The following ST8SIA5 variants were observed in gnomAD, a reference collection of about 807,000 sequenced individuals.
ST8SIA5 encodes ST8 alpha-N-acetyl-neuraminide alpha-2,8-sialyltransferase 5.
ST8SIA5 carries 24 observed loss-of-function variants against 40.2 expected under a neutral mutation model. The observed-to-expected ratio is 0.60, with a 90% CI of 0.43 to 0.84. The LOEUF (loss-of-function observed/expected upper bound fraction) is 0.84, where lower values mean the gene tolerates loss of function less well. ST8SIA5 is among the 40% of genes least tolerant of loss of function. The pLI is 0.00. For missense variants in ST8SIA5, 465 were observed against 498.5 expected, an observed-to-expected ratio of 0.93 and a Z score of 0.64; for synonymous variants, 198 against 201.8, an observed-to-expected ratio of 0.98 and a Z score of 0.16.
chr18:46,754,128 G>A (rs2040219904), intron 1 of ST8SIA5, among the ~76,000 whole-genome samples: 2 of 152,192 alleles, frequency 1.3e-5, no homozygotes, highest in Admixed American at 1.3e-4. Flanking sequence ...TGCTAGGGGT[G>A]ACACTGATGT....
intron 1 of ST8SIA5, among the ~76,000 whole-genome samples, chr18:46,715,621 T>C (rs2039780685): frequency 6.6e-6 from 1 of 151,870 alleles, no homozygotes; most frequent in African/African-American, 2.4e-5. Context: ...TACAGTGGCA[T>C]GCTCTCAGCT....
intron 6 of ST8SIA5, 105 bp downstream of exon 6, chr18:46,681,867 C>T (rs2039399500): frequency 1.7e-6 from 2 of 1,179,896 alleles, no homozygotes; most frequent in South Asian, 1.3e-5. Flanking sequence ...TTTACACTCA[C>T]AGCCAGCACA....
chr18:46,680,611 G>T, intron 6 of ST8SIA5, 101 bp from the exon 7 acceptor site: 1 of 1,225,598 alleles, frequency 8.2e-7, no homozygotes, highest in South Asian at 1.6e-5. Flanking sequence ...AGGACGGAAG[G>T]GACTCATAAG....
At chr18:46,729,389 G>A (rs2039964050) in intron 1 of ST8SIA5, among the ~76,000 whole-genome samples, 1 of 10,468 alleles carries the variant, frequency 9.6e-5, no homozygotes, top group South Asian at 4.2e-3. Context: ...AGGGGTGGGT[G>A]CCTTGAACTC....
At chr18:46,709,606 A>G (rs1242866762) in intron 1 of ST8SIA5, among the ~76,000 whole-genome samples, 1 of 152,204 alleles carries the variant, frequency 6.6e-6, no homozygotes, top group African/African-American at 2.4e-5. Context: ...CAGACATCAA[A>G]AATGTTGCTT....
In ST8SIA5 at chr18:46,686,262, A is replaced by T; in HGVS notation, c.481T>A (p.Phe161Ile). ...TTGCCCACTACAGCACACTTCTTAA[A>T]CTGGGACCGGTAGTAGGGCATGTCC... Reference protein sequence around the residue: ...PKDMPYYRSQFKKCAVVGNGG... With the variant: ...PKDMPYYRSQIKKCAVVGNGG... Residue 161 changes from phenylalanine (F) to isoleucine (I), a missense_variant, in exon 5 of 7, where the codon TTT (phenylalanine) becomes ATT (isoleucine). Phe to Ile is a conservative substitution (Grantham distance 21, BLOSUM62 0). Coordinates refer to ENST00000315087, the MANE Select transcript of ST8SIA5 (RefSeq NM_013305.6). 1 of 1,614,116 alleles carries T rather than the reference A, an allele frequency of 6.2e-7. No homozygotes were observed. Among genetic ancestry groups the T allele is most frequent in the Non-Finnish European group, 8.5e-7 (1 of 1,180,008 alleles).
chr18:46,746,279 C>T (rs2040139500), intron 1 of ST8SIA5, among the ~76,000 whole-genome samples: 1 of 152,190 alleles, frequency 6.6e-6, no homozygotes, highest in African/African-American at 2.4e-5. Flanking sequence ...ATCAAATTGT[C>T]CCGGTTTGCA....
intron 1 of ST8SIA5, among the ~76,000 whole-genome samples, chr18:46,726,874 C>T (rs9949638): frequency 0.039 from 5,894 of 152,224 alleles, 353 homozygotes; most frequent in African/African-American, 0.13. Flanking sequence ...GTCAAGATCA[C>T]ACCACTGCAC....
chr18:46,668,948 C>G lies in ST8SIA5; in HGVS notation c.*11094G>C, dbSNP rs73433008. The G allele has an allele frequency of 1.3e-5, 2 of 152,416 alleles. No homozygotes were observed. Among genetic ancestry groups the G allele is most frequent in the African/African-American group, 4.8e-5 (2 of 41,466 alleles). 9.4% of individuals were successfully genotyped at this position (152,416 alleles called of 1,614,324 possible). ...GCTGCCTCCCACATGGCCAGAGCAG[C>G]AGGGGGCCAGCACCATGGTCCCTGA... On this transcript the variant is annotated 3_prime_UTR_variant, in exon 7 of 7. Coordinates refer to ENST00000315087, the MANE Select transcript of ST8SIA5 (RefSeq NM_013305.6).
intron 2 of ST8SIA5, among the ~76,000 whole-genome samples, chr18:46,694,327 C>T (rs1330760995): frequency 4.6e-5 from 7 of 152,214 alleles, no homozygotes; most frequent in Admixed American, 1.3e-4. Flanking sequence ...CAAGACTTCT[C>T]AGATCCCTTA....
At chr18:46,702,157 A>C (rs575239321) in intron 2 of ST8SIA5, among the ~76,000 whole-genome samples, 64 of 151,722 alleles carry the variant, frequency 4.2e-4, no homozygotes, top group African/African-American at 1.4e-3. Flanking sequence ...AAAAAAAAAA[A>C]AAAAACAGAA....
chr18:46,723,230 A>G (rs2039880921), intron 1 of ST8SIA5: 1 of 154,206 alleles, frequency 6.5e-6, no homozygotes, highest in African/African-American at 2.4e-5. Context: ...TTGACTGGAC[A>G]GAATCATGGA....
At chr18:46,753,344 G>A (rs141259474) in intron 1 of ST8SIA5, among the ~76,000 whole-genome samples, 4,604 of 152,172 alleles carry the variant, frequency 0.03, 92 homozygotes, top group Non-Finnish European at 0.044. Flanking sequence ...AGGCCGAGGC[G>A]GGCGGATCAC....
rs141012417 is a variant in ST8SIA5, at chr18:46,745,435, A to T, written c.131+10943T>A. 7.1e-4 allele frequency among the ~76,000 whole-genome samples: 108 copies of T among 152,342 alleles called. 2 individuals carry two copies. In the East Asian group the frequency reaches 0.018, roughly 25 times the overall value. ...AAACTATCATCAGAGAATACTATAAACACCTCTACGCAAATAAACTAGAAA... is the reference window on the plus strand; with the variant it reads ...AAACTATCATCAGAGAATACTATAATCACCTCTACGCAAATAAACTAGAAA... On this transcript the variant is annotated intron_variant, in intron 1 of 6. Coordinates refer to ENST00000315087, the MANE Select transcript of ST8SIA5 (RefSeq NM_013305.6).
chr18:46,726,276 T>A (rs947958692), intron 1 of ST8SIA5, among the ~76,000 whole-genome samples: 1 of 151,874 alleles, frequency 6.6e-6, no homozygotes, highest in African/African-American at 2.4e-5. Flanking sequence ...TATATAACAT[T>A]TGTTGAGCAT....
Position 46,738,760 on chromosome 18 carries a change from C to T in ST8SIA5, c.131+17618G>A, listed in dbSNP as rs372714015. Among the ~76,000 whole-genome samples, 28 of 152,196 alleles carry T rather than the reference C, an allele frequency of 1.8e-4. No homozygotes were observed. The South Asian group carries it at 5.8e-3, about 32-fold the overall frequency. ...GGCTGTGCCTGTTTCTCGGGGCAGTCGAACAGAAGGCTTTGTCCCCTGGGT... is the reference window on the plus strand; with the variant it reads ...GGCTGTGCCTGTTTCTCGGGGCAGTTGAACAGAAGGCTTTGTCCCCTGGGT... On this transcript the variant is annotated intron_variant, in intron 1 of 6. Transcript: ENST00000315087.
chr18:46,730,831 G>T (rs1382821020), intron 1 of ST8SIA5, among the ~76,000 whole-genome samples: 1 of 152,124 alleles, frequency 6.6e-6, no homozygotes, highest in African/African-American at 2.4e-5. Flanking sequence ...ATAAGCAAAA[G>T]TAGGCTGGGC....
At chr18:46,684,183 C>T (rs554526467) in intron 5 of ST8SIA5, among the ~76,000 whole-genome samples, 1 of 152,132 alleles carries the variant, frequency 6.6e-6, no homozygotes, top group Non-Finnish European at 1.5e-5. Flanking sequence ...GGTGGTGGGA[C>T]AAGAGACCAG....
chr18:46,686,353 T>G (rs2039447916), intron 4 of ST8SIA5, 67 bp from the exon 5 acceptor site: 1 of 1,321,820 alleles, frequency 7.6e-7, no homozygotes. Context: ...TACTCTCACC[T>G]CTGCAAGCAC....
Sources: gnomAD v4.1 joint callset for allele counts (sites outside exome capture counted in the v4.1 genomes callset) on GRCh38, gnomAD v4.1.1 for gene constraint, MANE v1.5 for transcripts, NCBI Gene and HGNC (gene_info 2026-07-23, HGNC 2026-07-21) for gene names.